Variants in DNAH11 observed in about 807,000 individuals in gnomAD.
DNAH11 encodes the protein axonemal beta dynein heavy chain 11.
A neutral mutation model predicts 526.0 loss-of-function variants in DNAH11; 442 were observed. The ratio of observed to expected loss-of-function variants is 0.84; its 90% confidence interval spans 0.78 to 0.91. The LOEUF is 0.91. Among genes scored for constraint, DNAH11 ranks in the 40% least tolerant of loss-of-function variants. DNAH11 has a pLI of 0.00. For synonymous variants in DNAH11, 2,461 were observed against 1,935.9 expected (o/e 1.27, Z -7.12); for missense variants, 6,989 against 5,448.7 (o/e 1.28, Z -8.90).
chr7:21,722,339 A>ATG (rs1413523928), intron 44 of DNAH11, among the ~76,000 whole-genome samples: 1 of 152,178 alleles, frequency 6.6e-6, no homozygotes, highest in East Asian at 1.9e-4. Context: ...CATGGTTCAT[A>ATG]GTGCTTCTAT....
At chr7:21,893,644 C>G (rs569316284) in intron 77 of DNAH11, among the ~76,000 whole-genome samples, 24 of 152,332 alleles carry the variant, frequency 1.6e-4, no homozygotes, top group African/African-American at 5.8e-4. Flanking sequence ...GTTTTTCCAG[C>G]TCGGTGGAGC....
intron 2 of DNAH11, among the ~76,000 whole-genome samples, chr7:21,549,247 T>C (rs1782925886): frequency 6.6e-6 from 1 of 152,176 alleles, no homozygotes; most frequent in Non-Finnish European, 1.5e-5. Context: ...ACACAGTGCA[T>C]TTCTTTAGGA....
intron 29 of DNAH11, among the ~76,000 whole-genome samples, chr7:21,656,581 T>C (rs889233394): frequency 2.0e-5 from 3 of 152,194 alleles, no homozygotes; most frequent in Non-Finnish European, 2.9e-5. Context: ...CTCATTATGA[T>C]TTCTGAAAGC....
At chr7:21,587,657 G>A (rs929336928) in intron 9 of DNAH11, among the ~76,000 whole-genome samples, 3 of 152,060 alleles carry the variant, frequency 2.0e-5, no homozygotes, top group Non-Finnish European at 4.4e-5. Context: ...GACCTAGAGG[G>A]CCTTAATATG....
intron 39 of DNAH11, among the ~76,000 whole-genome samples, chr7:21,706,923 C>T (rs557348094): frequency 6.6e-6 from 1 of 152,222 alleles, no homozygotes; most frequent in Non-Finnish European, 1.5e-5. Context: ...TAGACATACA[C>T]TGAGCACCTG....
At chr7:21,805,167 C>T (rs976573791) in intron 62 of DNAH11, among the ~76,000 whole-genome samples, 1 of 152,234 alleles carries the variant, frequency 6.6e-6, no homozygotes, top group Non-Finnish European at 1.5e-5. Flanking sequence ...CCCACTCGTT[C>T]ACACGCACAC....
In DNAH11 at chr7:21,571,852, A is replaced by T. The variant is rs1370672818; in HGVS notation, c.1472A>T (p.Glu491Val). The T allele has an allele frequency of 1.2e-6, 2 of 1,613,092 alleles. No individual in the cohort carries two copies. The highest frequency in any genetic ancestry group is 2.2e-5 in the East Asian group (1 of 44,848). ...GAATTTGAAAAGCTGGAAAGACTGG[A>T]ATTTGGTGGTACCAAAGGAGCAATT... ...TLEFEKLERL[E>V]FGGTKGAILN... The change falls in exon 8 of 82, where the codon GAA becomes GTA. Residue 491 changes from glutamate to valine, a missense_variant. Coordinates refer to ENST00000409508, the MANE Select transcript of DNAH11 (RefSeq NM_001277115.2).
At position 21,779,044 on chromosome 7, in the gene DNAH11, C is replaced by A. The variant is rs770042297; in HGVS notation, c.9423C>A (p.Ile3141=). The A allele has an allele frequency of 3.1e-6, 5 of 1,613,380 alleles. No homozygotes were observed. The highest frequency in any genetic ancestry group is 1.7e-5 in the Admixed American group (1 of 59,952). ...NHDAEALITK[I]GLQTEKVSRE... ...ATGCCGAAGCTCTGATCACAAAGATCGGCCTTCAGACGGAGAAAGTGAGCC... is the reference window on the plus strand; with the variant it reads ...ATGCCGAAGCTCTGATCACAAAGATAGGCCTTCAGACGGAGAAAGTGAGCC... The change falls in exon 57 of 82, where the codon ATC becomes ATA. Residue 3141 remains isoleucine (I), a synonymous_variant. Transcript: ENST00000409508.
chr7:21,570,255 T>C lies in DNAH11; in HGVS notation c.1381T>C (p.Phe461Leu). The change falls in exon 7 of 82, where the codon TTT becomes CTT. Residue 461 changes from phenylalanine (F) to leucine (L), a missense_variant. Phe to Leu is a conservative substitution (Grantham distance 22, BLOSUM62 0). Coordinates refer to ENST00000409508, the MANE Select transcript of DNAH11 (RefSeq NM_001277115.2). ...ATGGGATTTCCAGTCTCATCTGGTG[T>C]TTTGCAGATTTGACAAGTTTCTTGA... ...RPWDFQSHLVFCRFDKFLDRL... is the reference protein window; with the variant it reads ...RPWDFQSHLVLCRFDKFLDRL... The C allele has an allele frequency of 6.2e-7, 1 of 1,610,182 alleles. No individual in the cohort carries two copies.
chr7:21,829,555 G>C (rs1227216292), intron 65 of DNAH11, among the ~76,000 whole-genome samples: 1 of 152,136 alleles, frequency 6.6e-6, no homozygotes, highest in African/African-American at 2.4e-5. Context: ...TAAATATGTT[G>C]CTTTCCATGT....
intron 11 of DNAH11, 124 bp downstream of exon 11, chr7:21,588,760 T>C: frequency 8.5e-7 from 1 of 1,180,626 alleles, no homozygotes; most frequent in Non-Finnish European, 1.2e-6. Flanking sequence ...CTCTCACTGG[T>C]TGGGTTTGTG....
chr7:21,650,316 T>G (rs1787567962), intron 28 of DNAH11, among the ~76,000 whole-genome samples: 1 of 152,162 alleles, frequency 6.6e-6, no homozygotes, highest in South Asian at 2.1e-4. Context: ...AATTGCATGT[T>G]CATTATTGAA....
At chr7:21,712,286 G>T (rs1784492164) in intron 42 of DNAH11, among the ~76,000 whole-genome samples, 1 of 152,118 alleles carries the variant, frequency 6.6e-6, no homozygotes, top group South Asian at 2.1e-4. Flanking sequence ...ATCTATAAAT[G>T]AACACTTGGG....
At position 21,901,591 on chromosome 7, in the gene DNAH11, A is replaced by AAAG. The variant is rs543239140; in HGVS notation, c.*338_*340dup. 10 of 176,164 alleles carry AAAG rather than the reference A, an allele frequency of 5.7e-5. No individual in the cohort carries two copies. In the East Asian group the frequency reaches 1.5e-3, roughly 26 times the overall value. 10.9% of individuals were successfully genotyped at this position (176,164 alleles called of 1,614,324 possible). ...CTCAAAAAAAAAAAAGTACATCATA[A>AAAG]AAGTACATCATATGTGAACATGCAA... On this transcript the variant is annotated 3_prime_UTR_variant, in exon 82 of 82. Transcript: ENST00000409508.
At chr7:21,900,209 C>A in intron 81 of DNAH11, 89 bp downstream of exon 81, 5 of 1,364,880 alleles carry the variant, frequency 3.7e-6, no homozygotes, top group Non-Finnish European at 4.9e-6. Flanking sequence ...CTCAGCATCT[C>A]CTCACTCACA....
intron 8 of DNAH11, among the ~76,000 whole-genome samples, chr7:21,581,154 C>T (rs1262914746): frequency 4.6e-5 from 7 of 152,180 alleles, no homozygotes; most frequent in Non-Finnish European, 1.0e-4. Flanking sequence ...TGTGAGAAAT[C>T]TGTGGTGTGT....
rs113270736 is a variant in DNAH11 at position 21,619,242 on chromosome 7, G to A, written c.4377+20G>A. On this transcript the variant is annotated intron_variant, in intron 24 of 81. Transcript: ENST00000409508. ...GAGAAGGTAGTGTCCTCGGGACTGG[G>A]TCATTTCTACTTGGCTAATTTTGGG... 7,192 of 1,603,252 alleles carry A rather than the reference G, an allele frequency of 4.5e-3. 277 individuals are homozygous for A. The African/African-American group carries it at 0.083, about 19-fold the overall frequency.
At position 21,617,697 on chromosome 7, in the gene DNAH11, G is replaced by C; in HGVS notation, c.4174G>C (p.Ala1392Pro). 1.2e-6 allele frequency: 2 copies of C among 1,613,812 alleles called. No homozygotes were observed. Among genetic ancestry groups the C allele is most frequent in the African/African-American group, 1.3e-5 (1 of 75,052 alleles). Residue 1392 changes from alanine (A) to proline (P), a missense_variant, in exon 23 of 82, where the codon GCC (alanine) becomes CCC (proline). By Grantham distance (27) the Ala-to-Pro change is conservative. Coordinates refer to ENST00000409508, the MANE Select transcript of DNAH11 (RefSeq NM_001277115.2). ...GLEGTVKDMT[A>P]SLRAITELQS... is the part of the protein sequence containing the mutation. Reference sequence around the variant, plus strand: ...GGAAGGCACAGTTAAGGACATGACAGCCTCCCTGAGGGCCATCACAGAGTT... The same window carrying C: ...GGAAGGCACAGTTAAGGACATGACACCCTCCCTGAGGGCCATCACAGAGTT...
chr7:21,588,735 T>C (rs749318677), intron 11 of DNAH11, 99 bp downstream of exon 11: 2 of 1,404,838 alleles, frequency 1.4e-6, no homozygotes, highest in Non-Finnish European at 2.0e-6. Context: ...TAGGAAGCCA[T>C]TGCCCTGTTC....
Sources: allele counts gnomAD v4.1 joint callset (sites outside exome capture counted in the v4.1 genomes callset), GRCh38; gene constraint gnomAD v4.1.1; transcripts MANE v1.5; gene names NCBI Gene and HGNC (gene_info 2026-07-23, HGNC 2026-07-21).